Variants in EDF1 observed in about 807,000 individuals in gnomAD.
EDF1 encodes endothelial differentiation related factor 1.
Under a neutral mutation model 20.8 loss-of-function variants are expected in EDF1, and 5 were observed. The ratio of observed to expected loss-of-function variants is 0.24; its 90% CI spans 0.13 to 0.51. EDF1 has a LOEUF of 0.51. EDF1 is among the 20% of genes least tolerant of loss of function. EDF1 has a pLI of 0.97. For missense variants in EDF1, 137 were observed against 197.8 expected (o/e 0.69, Z 1.84); for synonymous variants, 96 against 78.5 (o/e 1.22, Z -1.18).
rs916621718 is a variant in EDF1, at chr9:136,863,081, C to T, written c.292-82G>A. The T allele has an allele frequency of 3.8e-6, 6 of 1,576,332 alleles. No individual in the cohort carries two copies. The African/African-American group carries it at 6.7e-5, about 18-fold the overall frequency. On this transcript the variant is annotated intron_variant, in intron 3 of 4. Transcript: ENST00000224073. The surrounding 1 kb of genome is among the most constrained non-coding windows in gnomAD (Gnocchi z 4.5). ...GGCGCGAAGCGTCGCCTGAGAACAG[C>T]AGCTTCTAGGGCCCCTGGGGTACGC... is the stretch of plus-strand genomic sequence containing the variant.
Position 136,866,090 on chromosome 9 carries a change from T to A in EDF1, c.78+91A>T. On this transcript the variant is annotated intron_variant, in intron 1 of 4. Coordinates refer to ENST00000224073, the MANE Select transcript of EDF1 (RefSeq NM_003792.4). ...CCTGCGCCCTGTCCCAGGCCCCGCCTGCCCTTCCCCGAGCCCCCTGCCCCA... is the reference window on the plus strand; with the variant it reads ...CCTGCGCCCTGTCCCAGGCCCCGCCAGCCCTTCCCCGAGCCCCCTGCCCCA... 2.6e-6 allele frequency: 3 copies of A among 1,140,322 alleles called. No homozygotes were observed. In the South Asian group the frequency reaches 4.4e-5, roughly 17 times the overall value. The allele number at this position is 1,140,322 out of a possible 1,614,324, so 70.6% of individuals were successfully genotyped here.
rs375025466 is a variant in EDF1, at chr9:136,862,451, G to A, written c.386-106C>T. ...AGGGAAGGGGGGCCACGCCGCTCCC[G>A]TGCCTCACTGGGCTCTCAGCACACG... On this transcript the variant is annotated intron_variant, in intron 4 of 4. Transcript: ENST00000224073. The surrounding 1 kb of genome is among the most constrained non-coding windows in gnomAD (Gnocchi z 4.1). The A allele has an allele frequency of 3.7e-4, 599 of 1,613,354 alleles. 1 individual carries two copies. Among genetic ancestry groups the A allele is most frequent in the Admixed American group, 9.2e-4 (55 of 60,008 alleles).
intron 1 of EDF1, among the ~76,000 whole-genome samples, chr9:136,865,685 C>A (rs985286606): frequency 2.0e-5 from 3 of 151,814 alleles, no homozygotes; most frequent in African/African-American, 7.3e-5. Flanking sequence ...TCCCCATCTC[C>A]ATCCCTGCCC....
chr9:136,864,821 C>T (rs1302445039), intron 1 of EDF1, among the ~76,000 whole-genome samples: 11 of 151,850 alleles, frequency 7.2e-5, no homozygotes, highest in Non-Finnish European at 1.5e-5. Flanking sequence ...GACGGGGTTT[C>T]ACCATCTTGG....
chr9:136,862,275 G>T lies in EDF1; in HGVS notation c.*9C>A. ...TCAGCTGGAGCGCACTGATTTCGAG[G>T]CTTTGTGTTCATTTCGCCCTAGGCC... On this transcript the variant is annotated 3_prime_UTR_variant, in exon 5 of 5. Transcript: ENST00000224073. This position sits in a 1 kb window ranked among gnomAD's most constrained non-coding sequence, Gnocchi z 4.1. The T allele has an allele frequency of 6.2e-7, 1 of 1,613,980 alleles. No homozygotes were observed. The highest frequency in any genetic ancestry group is 8.5e-7 in the Non-Finnish European group (1 of 1,179,976).
Position 136,866,118 on chromosome 9 carries a change from G to A in EDF1, c.78+63C>T. On this transcript the variant is annotated intron_variant, in intron 1 of 4. Coordinates refer to ENST00000224073, the MANE Select transcript of EDF1 (RefSeq NM_003792.4). ...CCTTCCCCGAGCCCCCTGCCCCACG[G>A]TCCGTGGCCCCGGCCCAGCGTCCGC... 2 of 1,522,654 alleles carry A rather than the reference G, an allele frequency of 1.3e-6. 1 individual carries two copies. Among genetic ancestry groups the A allele is most frequent in the Middle Eastern group, 3.5e-4 (2 of 5,706 alleles). 94.3% of individuals were successfully genotyped at this position (1,522,654 alleles called of 1,614,324 possible). A position where few individuals can be genotyped will look rare whatever the true frequency, so the allele number is the denominator to read the frequency against.
intron 1 of EDF1, 110 bp downstream of exon 1, chr9:136,866,071 C>G: frequency 8.7e-7 from 1 of 1,148,266 alleles, no homozygotes; most frequent in Non-Finnish European, 1.2e-6. Flanking sequence ...GTCCCCTGCG[C>G]CCTGTCCCAG....
chr9:136,864,272 A>AT lies in EDF1; in HGVS notation c.79-402dup, dbSNP rs530718830. ...TGCTGTTGAGAAAGACACACTAGGG[A>AT]TTTTTTTTTTTTTTTTTTAGAGTTG... On this transcript the variant is annotated intron_variant, in intron 1 of 4. Transcript: ENST00000224073. 7.5e-3 allele frequency among the ~76,000 whole-genome samples: 1,019 copies of AT among 135,038 alleles called. 6 individuals carry two copies. The highest frequency in any genetic ancestry group is 0.019 in the South Asian group (76 of 3,904). 88.6% of individuals were successfully genotyped at this position (135,038 alleles called of 152,430 possible).
chr9:136,862,865 C>A lies in EDF1; in HGVS notation c.385+41G>T, dbSNP rs776489699. On this transcript the variant is annotated intron_variant, in intron 4 of 4. Transcript: ENST00000224073. The surrounding 1 kb of genome is among the most constrained non-coding windows in gnomAD (Gnocchi z 4.1). The stretch of plus-strand genomic sequence containing the variant: ...AACCCCAGCTGGGAGCGGGTAGCCT[C>A]CCTGTTCAGCGGACCCGGCGAAGGG... 4 of 1,612,336 alleles carry A rather than the reference C, an allele frequency of 2.5e-6. No individual in the cohort carries two copies. In the South Asian group the frequency reaches 3.3e-5, roughly 13 times the overall value.
At chr9:136,864,451 C>T (rs1003412265) in intron 1 of EDF1, among the ~76,000 whole-genome samples, 5 of 151,920 alleles carry the variant, frequency 3.3e-5, no homozygotes, top group African/African-American at 1.2e-4. Flanking sequence ...GACTCTACTG[C>T]AAAAGTAGGA....
At position 136,866,169 on chromosome 9, in the gene EDF1, T is replaced by G; in HGVS notation, c.78+12A>C. On this transcript the variant is annotated intron_variant, in intron 1 of 4. Coordinates refer to ENST00000224073, the MANE Select transcript of EDF1 (RefSeq NM_003792.4). ...CCCGCCCGGCCCGGCCGCTCCTCAG[T>G]CAGCAAAGCACCTGCTTGGATTTGG... is the stretch of plus-strand genomic sequence containing the variant. 6.3e-7 allele frequency: 1 copy of G among 1,593,432 alleles called. No homozygotes were observed. The highest frequency in any genetic ancestry group is 8.5e-7 in the Non-Finnish European group (1 of 1,172,656).
intron 1 of EDF1, among the ~76,000 whole-genome samples, chr9:136,864,801 T>C (rs891237747): frequency 6.6e-6 from 1 of 151,946 alleles, no homozygotes; most frequent in Non-Finnish European, 1.5e-5. Flanking sequence ...TTTTTTGTAT[T>C]TTTAGTAGAG....
chr9:136,862,209 G>A lies in EDF1; in HGVS notation c.*75C>T, dbSNP rs1849112206. On this transcript the variant is annotated 3_prime_UTR_variant, in exon 5 of 5. Transcript: ENST00000224073. The surrounding 1 kb of genome is among the most constrained non-coding windows in gnomAD (Gnocchi z 4.1). ...CCCCTTGTTCCGTTCGGCCCGTGAGGAGAACGGAACTGGCGGCCAAGGGGA... is the reference window on the plus strand; with the variant it reads ...CCCCTTGTTCCGTTCGGCCCGTGAGAAGAACGGAACTGGCGGCCAAGGGGA... 1.3e-6 allele frequency: 2 copies of A among 1,587,252 alleles called. No individual in the cohort carries two copies. The highest frequency in any genetic ancestry group is 1.7e-6 in the Non-Finnish European group (2 of 1,156,248).
rs773580744 is a variant in EDF1 at position 136,862,333 on chromosome 9, C to T, written c.398G>A (p.Arg133Gln). Residue 133 changes from arginine to glutamine, a missense_variant, in exon 5 of 5, where the codon CGG becomes CAG. Coordinates refer to ENST00000224073, the MANE Select transcript of EDF1 (RefSeq NM_003792.4). The surrounding 1 kb of genome is among the most constrained non-coding windows in gnomAD (Gnocchi z 4.1). ...GATGGGCTTTCCAATGTCCTTTCCC[C>T]GGAGCTTGAGGCCTGAAATGAGCCA... is the stretch of plus-strand genomic sequence containing the variant. The part of the protein sequence containing the change: ...KIERAIGLKL[R>Q]GKDIGKPIEK... The T allele has an allele frequency of 2.2e-5, 36 of 1,613,948 alleles. No homozygotes were observed. Among genetic ancestry groups the T allele is most frequent in the Non-Finnish European group, 2.9e-5 (34 of 1,180,016 alleles).
rs1849118904 is a variant in EDF1 at position 136,862,424 on chromosome 9, C to T, written c.386-79G>A. On this transcript the variant is annotated intron_variant, in intron 4 of 4. Transcript: ENST00000224073. The surrounding 1 kb of genome is among the most constrained non-coding windows in gnomAD (Gnocchi z 4.1). ...AACGCTGCCCCTCTTCAACATCTTC[C>T]CAGGGAAGGGGGGCCACGCCGCTCC... 1.2e-6 allele frequency: 2 copies of T among 1,613,714 alleles called. No individual in the cohort carries two copies. Among genetic ancestry groups the T allele is most frequent in the Non-Finnish European group, 1.7e-6 (2 of 1,180,006 alleles).
At chr9:136,865,865 C>T (rs927382700) in intron 1 of EDF1, among the ~76,000 whole-genome samples, 2 of 134,412 alleles carry the variant, frequency 1.5e-5, no homozygotes, top group East Asian at 5.3e-4. Context: ...CCGGCCCTAT[C>T]GCCTGCCCCT....
intron 1 of EDF1, among the ~76,000 whole-genome samples, chr9:136,864,104 C>G (rs573278744): frequency 6.6e-6 from 1 of 151,994 alleles, no homozygotes; most frequent in Non-Finnish European, 1.5e-5. Context: ...GCCACGAGTT[C>G]GAGACCAGCC....
chr9:136,865,765 C>T (rs1472477473), intron 1 of EDF1, among the ~76,000 whole-genome samples: 1 of 151,690 alleles, frequency 6.6e-6, no homozygotes, highest in Non-Finnish European at 1.5e-5. Context: ...TGTCCCCGTC[C>T]CCGTCCCCAC....
Position 136,862,475 on chromosome 9 carries a change from C to T in EDF1, c.386-130G>A, listed in dbSNP as rs762388306. On this transcript the variant is annotated intron_variant, in intron 4 of 4. Coordinates refer to ENST00000224073, the MANE Select transcript of EDF1 (RefSeq NM_003792.4). The surrounding 1 kb of genome is among the most constrained non-coding windows in gnomAD (Gnocchi z 4.1). ...CGTGCCTCACTGGGCTCTCAGCACACGAGCACTCCTGGTTCCCACATCTAA... is the reference window on the plus strand; with the variant it reads ...CGTGCCTCACTGGGCTCTCAGCACATGAGCACTCCTGGTTCCCACATCTAA... 135 of 1,612,962 alleles carry T rather than the reference C, an allele frequency of 8.4e-5. No individual in the cohort carries two copies. The highest frequency in any genetic ancestry group is 1.0e-4 in the Non-Finnish European group (121 of 1,179,892).
Sources: allele counts gnomAD v4.1 joint callset (sites outside exome capture counted in the v4.1 genomes callset), GRCh38; gene constraint gnomAD v4.1.1; non-coding constraint Gnocchi (gnomAD v3.1); transcripts MANE v1.5; gene names NCBI Gene and HGNC (gene_info 2026-07-23, HGNC 2026-07-21).